The following HSD17B3 variants were observed in gnomAD, a reference collection of about 807,000 sequenced individuals.
HSD17B3 encodes the protein 17-beta-hydroxysteroid dehydrogenase type 3.
In HSD17B3, 29 loss-of-function variants were observed where a neutral mutation model predicts 41.1. That is an observed-to-expected ratio of 0.71 (90% CI 0.53 to 0.96). HSD17B3 has a LOEUF of 0.96. Among genes scored for constraint, HSD17B3 ranks in the 40% least tolerant of loss-of-function variants. The probability of loss-of-function intolerance (pLI) is 0.00; values close to 1 mark genes in which losing one functional copy is unlikely to be tolerated. For missense variants in HSD17B3, 323 were observed against 374.6 expected, an observed-to-expected ratio of 0.86 and a Z score of 1.14; for synonymous variants, 126 against 145.6, an observed-to-expected ratio of 0.87 and a Z score of 0.97.
At chr9:96,236,170 A>T (rs1208628557) in intron 10 of HSD17B3, among the ~76,000 whole-genome samples, 1 of 151,774 alleles carries the variant, frequency 6.6e-6, no homozygotes, top group East Asian at 1.9e-4. Flanking sequence ...TTTTTCTCTT[A>T]GTGAGTATGT....
chr9:96,285,354 A>C (rs1460976286), intron 2 of HSD17B3, among the ~76,000 whole-genome samples: 1 of 152,134 alleles, frequency 6.6e-6, no homozygotes, highest in Non-Finnish European at 1.5e-5. Context: ...TTGTTTCTGC[A>C]ATTTAGACTA....
intron 2 of HSD17B3, among the ~76,000 whole-genome samples, chr9:96,257,851 A>G (rs1051203824): frequency 1.3e-5 from 2 of 152,210 alleles, no homozygotes; most frequent in African/African-American, 4.8e-5. Flanking sequence ...TTTTGTAGAA[A>G]TGAGGTCTCA....
At chr9:96,285,053 G>T (rs1199141143) in intron 2 of HSD17B3, among the ~76,000 whole-genome samples, 1 of 151,928 alleles carries the variant, frequency 6.6e-6, no homozygotes, top group Non-Finnish European at 1.5e-5. Context: ...TGGCCAGGCT[G>T]GTCTTGAGCT....
intron 2 of HSD17B3, among the ~76,000 whole-genome samples, chr9:96,273,679 G>A (rs1826345780): frequency 6.6e-6 from 1 of 151,994 alleles, no homozygotes; most frequent in Non-Finnish European, 1.5e-5. Flanking sequence ...GACACCAGGA[G>A]GGATCCCCTT....
intron 2 of HSD17B3, among the ~76,000 whole-genome samples, chr9:96,297,872 TATCA>T (rs752530973): frequency 2.6e-5 from 4 of 152,174 alleles, no homozygotes; most frequent in African/African-American, 4.8e-5. Context: ...AAAGTATAAT[TATCA>T]ATCTATCTAT....
intron 2 of HSD17B3, among the ~76,000 whole-genome samples, chr9:96,269,341 A>T (rs1275709141): frequency 3.3e-5 from 5 of 152,186 alleles, no homozygotes; most frequent in African/African-American, 4.8e-5. Context: ...CTGACTAGGT[A>T]AGCTGTGACC....
chr9:96,269,909 GAAAAAAAAA>G (rs59947729), intron 2 of HSD17B3, among the ~76,000 whole-genome samples: 1 of 103,880 alleles, frequency 9.6e-6, no homozygotes, highest in African/African-American at 3.7e-5. Context: ...ATCTTAAAAA[GAAAAAAAAA>G]AAAAAAAAAA....
At chr9:96,290,818 A>G (rs1827128327) in intron 2 of HSD17B3, among the ~76,000 whole-genome samples, 1 of 151,870 alleles carries the variant, frequency 6.6e-6, no homozygotes, top group Admixed American at 6.6e-5. Context: ...TGTGTGACAG[A>G]GTGAGACCGG....
intron 2 of HSD17B3, among the ~76,000 whole-genome samples, chr9:96,261,209 T>TAGGA (rs143864676): frequency 6.6e-6 from 1 of 151,428 alleles, no homozygotes; most frequent in Non-Finnish European, 1.5e-5. Flanking sequence ...GATGGAGCCT[T>TAGGA]CTGCTGCCAA....
Position 96,298,378 on chromosome 9 carries a change from A to G in HSD17B3, c.201+38T>C, listed in dbSNP as rs8190504. ...GATGTCTCAGGACTGTGATTGTTCA[A>G]TACAAGGGAGGAGAAAGTCCCCAGG... On this transcript the variant is annotated intron_variant, in intron 2 of 10. Transcript: ENST00000375263. 0.016 allele frequency: 24,738 copies of G among 1,560,438 alleles called. 1,624 individuals are homozygous for G. In the East Asian group the frequency reaches 0.24, roughly 15 times the overall value.
chr9:96,301,537 C>G (rs1249477042), intron 1 of HSD17B3, among the ~76,000 whole-genome samples: 1 of 151,012 alleles, frequency 6.6e-6, no homozygotes, highest in Non-Finnish European at 1.5e-5. Context: ...ATGGGGGAAC[C>G]CTGTCTCTAC....
intron 2 of HSD17B3, among the ~76,000 whole-genome samples, chr9:96,297,934 A>G (rs948838044): frequency 6.6e-6 from 1 of 152,226 alleles, no homozygotes; most frequent in African/African-American, 2.4e-5. Flanking sequence ...TACTAATTGT[A>G]TTCTAGTGAC....
chr9:96,296,507 T>C (rs1827362921), intron 2 of HSD17B3, among the ~76,000 whole-genome samples: 3 of 152,108 alleles, frequency 2.0e-5, no homozygotes, highest in Admixed American at 2.0e-4. Flanking sequence ...GAAATGGGTG[T>C]AATTACTATA....
chr9:96,239,096 G>A (rs1222214183), intron 10 of HSD17B3, among the ~76,000 whole-genome samples: 1 of 152,160 alleles, frequency 6.6e-6, no homozygotes, highest in Non-Finnish European at 1.5e-5. Flanking sequence ...ACCTTATCAG[G>A]GTATCCACTG....
chr9:96,259,665 G>A (rs894436781), intron 2 of HSD17B3, among the ~76,000 whole-genome samples: 1 of 151,798 alleles, frequency 6.6e-6, no homozygotes, highest in African/African-American at 2.4e-5. Flanking sequence ...AGCTTGCAGT[G>A]AGCCGAGATC....
At position 96,272,441 on chromosome 9, in the gene HSD17B3, ATATAT is replaced by A. The variant is rs1402550629; in HGVS notation, c.202-17503_202-17499del. 1.1e-3 allele frequency among the ~76,000 whole-genome samples: 111 copies of A among 98,512 alleles called. 1 individual carries two copies. Among genetic ancestry groups the A allele is most frequent in the Middle Eastern group, 4.9e-3 (1 of 206 alleles). The allele number at this position is 98,512 out of a possible 152,430, so 64.6% of individuals were successfully genotyped here. ...TATATATATATATATATATATATAT[ATATAT>A]AAAATATATATGAATATAATATATA... On this transcript the variant is annotated intron_variant, in intron 2 of 10. Coordinates refer to ENST00000375263, the MANE Select transcript of HSD17B3 (RefSeq NM_000197.2).
intron 2 of HSD17B3, among the ~76,000 whole-genome samples, chr9:96,271,030 C>T (rs966177836): frequency 3.3e-5 from 5 of 151,652 alleles, no homozygotes; most frequent in Non-Finnish European, 7.4e-5. Context: ...ATTCACATAC[C>T]TATTGAGCCA....
At position 96,284,148 on chromosome 9, in the gene HSD17B3, G is replaced by A. The variant is rs943852711; in HGVS notation, c.201+14268C>T. Among the ~76,000 whole-genome samples, 35 of 148,308 alleles carry A rather than the reference G, an allele frequency of 2.4e-4. 1 individual carries two copies. Among genetic ancestry groups the A allele is most frequent in the African/African-American group, 5.0e-5 (2 of 40,170 alleles). On this transcript the variant is annotated intron_variant, in intron 2 of 10. Coordinates refer to ENST00000375263, the MANE Select transcript of HSD17B3 (RefSeq NM_000197.2). ...GAGGCAGGAGAATTGCTTGAACCTG[G>A]GAGGTTGCAGTGAGCTGAGATCATG...
At position 96,302,080 on chromosome 9, in the gene HSD17B3, AGAACTGTTCCAGGAC is replaced by A. The variant is rs1827635011; in HGVS notation, c.10_24del (p.Val4_Phe8del). 6.2e-7 allele frequency: 1 copy of A among 1,614,138 alleles called. No individual in the cohort carries two copies. ...CACACCAGCAGCCCTGTGAGGATGA[AGAACTGTTCCAGGAC>A]GTCCCCCATGGCTGCACTCAACAGA... is the stretch of plus-strand genomic sequence containing the variant. On this transcript the variant is annotated inframe_deletion, in exon 1 of 11. Coordinates refer to ENST00000375263, the MANE Select transcript of HSD17B3 (RefSeq NM_000197.2).
Sources: gnomAD v4.1 joint callset for allele counts (sites outside exome capture counted in the v4.1 genomes callset) on GRCh38, gnomAD v4.1.1 for gene constraint, MANE v1.5 for transcripts, NCBI Gene and HGNC (gene_info 2026-07-23, HGNC 2026-07-21) for gene names.